HEPH: variants seen among roughly 807,000 people sequenced by gnomAD.
HEPH encodes hephaestin.
HEPH carries 69 observed loss-of-function variants against 80.8 expected under a neutral mutation model. The observed-to-expected ratio is 0.85, with a 90% CI of 0.70 to 1.04. HEPH has a LOEUF of 1.04. HEPH is among the 50% of genes least tolerant of loss of function. The pLI is 0.00. For synonymous variants in HEPH, 431 were observed against 322.8 expected (o/e 1.34, Z -3.60); for missense variants, 1,115 against 891.3 (o/e 1.25, Z -3.20).
chrX:66,256,354 TG>T (rs780797843), intron 17 of HEPH, 24 bp downstream of exon 17: 3 of 1,095,268 alleles, frequency 2.7e-6, no homozygotes, highest in Non-Finnish European at 3.8e-6. Flanking sequence ...AACCTACTCT[TG>T]TTCCAAAGCA....
intron 13 of HEPH, among the ~76,000 whole-genome samples, chrX:66,206,751 C>T (rs1053723492): frequency 9.1e-6 from 1 of 110,188 alleles, no homozygotes; most frequent in African/African-American, 3.3e-5. Flanking sequence ...TGTGGTGGCT[C>T]ATGCCTGTAA....
At chrX:66,246,435 CCTT>C (rs2090810016) in intron 15 of HEPH, among the ~76,000 whole-genome samples, 1 of 111,321 alleles carries the variant, frequency 9.0e-6, no homozygotes, top group Non-Finnish European at 1.9e-5. Context: ...CAATCTTACT[CCTT>C]CTAGGCACCA....
At chrX:66,171,011 T>G (rs1447476640) in intron 2 of HEPH, 7 of 311,208 alleles carry the variant, frequency 2.2e-5, no homozygotes, top group African/African-American at 1.6e-4. Flanking sequence ...CTTACTTATT[T>G]AATAACAACT....
chrX:66,264,016 A>T (rs144402166), intron 20 of HEPH, among the ~76,000 whole-genome samples: 1 of 110,514 alleles, frequency 9.0e-6, no homozygotes, highest in African/African-American at 3.3e-5. Context: ...CAAATACTGC[A>T]TGTTCTCACT....
intron 15 of HEPH, among the ~76,000 whole-genome samples, chrX:66,229,837 C>T (rs1462597356): frequency 9.1e-6 from 1 of 109,548 alleles, no homozygotes; most frequent in Non-Finnish European, 1.9e-5. Context: ...AGGTTAGTTA[C>T]ATATATATAC....
At chrX:66,175,424 T>C (rs1359691992) in intron 4 of HEPH, among the ~76,000 whole-genome samples, 1 of 112,142 alleles carries the variant, frequency 8.9e-6, no homozygotes, top group Admixed American at 9.5e-5. Flanking sequence ...ATAGTATAGT[T>C]TGAAATCAGG....
At chrX:66,241,125 T>TA (rs943959282) in intron 15 of HEPH, among the ~76,000 whole-genome samples, 2 of 111,796 alleles carry the variant, frequency 1.8e-5, no homozygotes, top group South Asian at 3.7e-4. Flanking sequence ...AACATGGAAA[T>TA]AAAAAACCAC....
At chrX:66,262,398 C>T (rs1022477108) in intron 19 of HEPH, among the ~76,000 whole-genome samples, 1 of 111,551 alleles carries the variant, frequency 9.0e-6, no homozygotes, top group Non-Finnish European at 1.9e-5. Context: ...TATGGTCTTT[C>T]TCTTCTCTCT....
chrX:66,171,541 T>A (rs965470215), intron 2 of HEPH, among the ~76,000 whole-genome samples: 15 of 112,185 alleles, frequency 1.3e-4, no homozygotes, highest in Non-Finnish European at 2.1e-4. Flanking sequence ...ACTCATTTTT[T>A]TCTCTCCAAA....
chrX:66,218,006 A>G (rs1315354427), intron 15 of HEPH, among the ~76,000 whole-genome samples: 1 of 111,586 alleles, frequency 9.0e-6, no homozygotes, highest in East Asian at 2.8e-4. Context: ...TCTTAAATAT[A>G]TATGCACCTA....
At chrX:66,179,662 GAA>G (rs1296555339) in intron 4 of HEPH, among the ~76,000 whole-genome samples, 1 of 111,171 alleles carries the variant, frequency 9.0e-6, no homozygotes, top group Non-Finnish European at 1.9e-5. Flanking sequence ...GTGGAGTATT[GAA>G]GTCTCCCACT....
intron 6 of HEPH, among the ~76,000 whole-genome samples, chrX:66,190,676 A>G (rs1217603523): frequency 4.5e-5 from 5 of 111,897 alleles, no homozygotes; most frequent in Non-Finnish European, 9.4e-5. Context: ...TATTTGATTT[A>G]TGGTAAATTA....
chrX:66,262,779 G>T (rs1355459397), intron 19 of HEPH, among the ~76,000 whole-genome samples: 2 of 111,397 alleles, frequency 1.8e-5, no homozygotes, highest in African/African-American at 6.5e-5. Context: ...AAAAACTGAA[G>T]GTTTTGAAAG....
chrX:66,234,195 G>GA (rs1180525298), intron 15 of HEPH, among the ~76,000 whole-genome samples: 1 of 111,079 alleles, frequency 9.0e-6, no homozygotes, highest in African/African-American at 3.3e-5. Flanking sequence ...GTTTGCTAAG[G>GA]ATAATGGCCT....
intron 15 of HEPH, among the ~76,000 whole-genome samples, chrX:66,221,111 G>A (rs1377272857): frequency 1.8e-5 from 2 of 111,449 alleles, no homozygotes; most frequent in Non-Finnish European, 3.8e-5. Context: ...TCGGCTGTGC[G>A]TGGACCAGTC....
chrX:66,259,262 A>C (rs1268489069), intron 18 of HEPH, among the ~76,000 whole-genome samples: 2 of 111,797 alleles, frequency 1.8e-5, no homozygotes, highest in Non-Finnish European at 3.8e-5. Flanking sequence ...AGGACTTGAG[A>C]CTCAATGAGC....
intron 15 of HEPH, among the ~76,000 whole-genome samples, chrX:66,228,949 G>A (rs1238102914): frequency 8.9e-6 from 1 of 112,425 alleles, no homozygotes; most frequent in Non-Finnish European, 1.9e-5. Flanking sequence ...AACTAGTACA[G>A]CCTCTATGGA....
At chrX:66,246,693 C>G (rs193170691) in intron 15 of HEPH, among the ~76,000 whole-genome samples, 56 of 111,765 alleles carry the variant, frequency 5.0e-4, no homozygotes, top group Non-Finnish European at 9.4e-4. Context: ...CACCTTTCCC[C>G]TGTTGGAGAG....
intron 15 of HEPH, among the ~76,000 whole-genome samples, chrX:66,247,608 A>T (rs896483127): frequency 9.0e-6 from 1 of 111,310 alleles, no homozygotes; most frequent in African/African-American, 3.3e-5. Context: ...TTCTTTAAGC[A>T]TACTTAAGCA....
Sources: allele counts gnomAD v4.1 joint callset (sites outside exome capture counted in the v4.1 genomes callset), GRCh38; gene constraint gnomAD v4.1.1; transcripts MANE v1.5; gene names NCBI Gene and HGNC (gene_info 2026-07-23, HGNC 2026-07-21).